The following ROBO1 variants were observed in gnomAD, a reference collection of about 807,000 sequenced individuals.
ROBO1 encodes roundabout guidance receptor 1.
A neutral mutation model predicts 195.9 loss-of-function variants in ROBO1; 149 were observed. That is an observed-to-expected ratio of 0.76 (90% confidence interval 0.67 to 0.87). ROBO1 has a LOEUF of 0.87. Among genes scored for constraint, ROBO1 ranks in the 40% least tolerant of loss-of-function variants. The probability of loss-of-function intolerance (pLI) is 0.00; values close to 1 mark genes in which losing one functional copy is unlikely to be tolerated. For missense variants in ROBO1, 1,933 were observed against 2,068.3 expected (o/e 0.93, Z 1.27); for synonymous variants, 816 against 733.2 (o/e 1.11, Z -1.82).
At chr3:78,668,946 C>A (rs1234931582) in intron 11 of ROBO1, among the ~76,000 whole-genome samples, 1 of 151,996 alleles carries the variant, frequency 6.6e-6, no homozygotes. Flanking sequence ...TAAAGTTTAA[C>A]CAATGCCTAT....
chr3:79,499,159 T>A (rs1009607565), intron 2 of ROBO1, among the ~76,000 whole-genome samples: 1 of 152,108 alleles, frequency 6.6e-6, no homozygotes, highest in African/African-American at 2.4e-5. Flanking sequence ...CACGCTCAGC[T>A]AATTTTTGAA....
chr3:79,527,518 A>G (rs891189590), intron 2 of ROBO1, among the ~76,000 whole-genome samples: 1 of 152,076 alleles, frequency 6.6e-6, no homozygotes, highest in African/African-American at 2.4e-5. Flanking sequence ...GTCAGGATCT[A>G]CAACACTACT....
chr3:78,896,928 CAG>C (rs987355520), intron 4 of ROBO1, among the ~76,000 whole-genome samples: 1 of 152,152 alleles, frequency 6.6e-6, no homozygotes, highest in African/African-American at 2.4e-5. Flanking sequence ...TCTGCCTACA[CAG>C]AAATAATTCT....
intron 1 of ROBO1, among the ~76,000 whole-genome samples, chr3:79,699,788 A>T (rs1947560054): frequency 6.6e-6 from 1 of 151,594 alleles, no homozygotes; most frequent in Non-Finnish European, 1.5e-5. Flanking sequence ...TTCTGGGAAC[A>T]TTTCTTGAAA....
intron 3 of ROBO1, among the ~76,000 whole-genome samples, chr3:78,956,464 C>T (rs75222892): frequency 0.035 from 5,331 of 152,028 alleles, 149 homozygotes; most frequent in African/African-American, 0.087. Context: ...AGGAAAAAAG[C>T]CATAAAAACC....
intron 3 of ROBO1, among the ~76,000 whole-genome samples, chr3:79,045,325 A>C (rs958640970): frequency 6.6e-6 from 1 of 152,092 alleles, no homozygotes; most frequent in African/African-American, 2.4e-5. Flanking sequence ...TGAACTATAC[A>C]TTAAAGTTTT....
chr3:78,838,840 A>G (rs1207207671), intron 4 of ROBO1, among the ~76,000 whole-genome samples: 2 of 152,122 alleles, frequency 1.3e-5, no homozygotes, highest in African/African-American at 4.8e-5. Flanking sequence ...CCAAAAAGAG[A>G]AGGGGACTCT....
intron 5 of ROBO1, among the ~76,000 whole-genome samples, chr3:78,745,633 T>C (rs1446490522): frequency 6.6e-6 from 1 of 152,228 alleles, no homozygotes; most frequent in Non-Finnish European, 1.5e-5. Flanking sequence ...CAGTTACTTT[T>C]GTCATGTGAC....
intron 3 of ROBO1, among the ~76,000 whole-genome samples, chr3:79,056,751 C>T (rs2078817199): frequency 6.6e-6 from 1 of 152,024 alleles, no homozygotes; most frequent in African/African-American, 2.4e-5. Flanking sequence ...TAGTGTACAG[C>T]TTTCTCAGCC....
chr3:78,607,318 T>G, intron 28 of ROBO1: 1 of 353,134 alleles, frequency 2.8e-6, no homozygotes, highest in East Asian at 5.5e-5. Flanking sequence ...GTGCGAGCAA[T>G]CCTCCCACCT....
rs1371267533 is a variant in ROBO1, at chr3:79,056,844, C to G, written c.172+68612G>C. 2.6e-5 allele frequency among the ~76,000 whole-genome samples: 4 copies of G among 152,050 alleles called. No individual in the cohort carries two copies. The East Asian group carries it at 7.8e-4, about 30-fold the overall frequency. ...TAATGATTTAGTAGAGTGGTGTTTTCTTCCTCATTCTGTGTCAAAAACTCT... is the reference window on the plus strand; with the variant it reads ...TAATGATTTAGTAGAGTGGTGTTTTGTTCCTCATTCTGTGTCAAAAACTCT... On this transcript the variant is annotated intron_variant, in intron 3 of 30. Transcript: ENST00000464233.
intron 2 of ROBO1, among the ~76,000 whole-genome samples, chr3:79,452,344 T>A (rs926398570): frequency 1.3e-5 from 2 of 152,112 alleles, no homozygotes; most frequent in Admixed American, 1.3e-4. Context: ...TTTCAGCTCT[T>A]TCTTCCCCCA....
At chr3:79,463,492 T>C (rs1254618357) in intron 2 of ROBO1, among the ~76,000 whole-genome samples, 1 of 152,078 alleles carries the variant, frequency 6.6e-6, no homozygotes, top group Non-Finnish European at 1.5e-5. Context: ...TTAAGAAATG[T>C]AGACAGTCAG....
intron 3 of ROBO1, among the ~76,000 whole-genome samples, chr3:79,021,217 A>G (rs77685149): frequency 1.4e-4 from 22 of 152,204 alleles, no homozygotes; most frequent in Admixed American, 3.9e-4. Flanking sequence ...TGAAAAGCAT[A>G]CATCGATTTG....
chr3:78,676,722 G>C (rs1391832770), intron 10 of ROBO1, among the ~76,000 whole-genome samples: 1 of 152,206 alleles, frequency 6.6e-6, no homozygotes, highest in Non-Finnish European at 1.5e-5. Flanking sequence ...AAGTGACGGG[G>C]AGAATGGAAC....
At chr3:79,008,891 G>A (rs1157931984) in intron 3 of ROBO1, among the ~76,000 whole-genome samples, 1 of 112,114 alleles carries the variant, frequency 8.9e-6, no homozygotes, top group Non-Finnish European at 1.9e-5. Context: ...ACCCAGCCGT[G>A]TGTGTGTGTG....
intron 5 of ROBO1, among the ~76,000 whole-genome samples, chr3:78,739,216 A>C (rs548172268): frequency 6.6e-5 from 10 of 152,262 alleles, no homozygotes; most frequent in African/African-American, 2.2e-4. Context: ...ATATTTTTGA[A>C]ATTTCAGAAT....
At chr3:78,832,471 T>C (rs906044582) in intron 4 of ROBO1, among the ~76,000 whole-genome samples, 1 of 152,176 alleles carries the variant, frequency 6.6e-6, no homozygotes, top group South Asian at 2.1e-4. Flanking sequence ...CGTCATGAGC[T>C]ACTTGACATC....
intron 2 of ROBO1, among the ~76,000 whole-genome samples, chr3:79,560,535 TTATA>T (rs549034591): frequency 4.9e-4 from 56 of 115,208 alleles, no homozygotes; most frequent in African/African-American, 1.8e-3. Context: ...ATAATAATAA[TTATA>T]TATATATATA....
Sources: allele counts gnomAD v4.1 joint callset (sites outside exome capture counted in the v4.1 genomes callset), GRCh38; gene constraint gnomAD v4.1.1; transcripts MANE v1.5; gene names NCBI Gene and HGNC (gene_info 2026-07-23, HGNC 2026-07-21).